The following ELMO1 variants were observed in gnomAD, a reference collection of about 807,000 sequenced individuals.
ELMO1 encodes engulfment and cell motility 1.
In ELMO1, 26 loss-of-function variants were observed where a neutral mutation model predicts 98.9. The ratio of observed to expected loss-of-function variants is 0.26; its 90% confidence interval spans 0.19 to 0.36. ELMO1 has a LOEUF of 0.36. ELMO1 is among the 10% of genes least tolerant of loss of function. The pLI is 1.00. For synonymous variants in ELMO1, 346 were observed against 346.0 expected (o/e 1.00, Z 0.00); for missense variants, 627 against 935.2 (o/e 0.67, Z 4.30).
chr7:36,918,121 G>C (rs1043163188), intron 16 of ELMO1, among the ~76,000 whole-genome samples: 1 of 152,094 alleles, frequency 6.6e-6, no homozygotes, highest in Non-Finnish European at 1.5e-5. Context: ...TAGGGAATGG[G>C]GGGTGAAGAG....
intron 15 of ELMO1, among the ~76,000 whole-genome samples, chr7:37,042,211 GAAA>G (rs35969834): frequency 4.3e-5 from 4 of 93,550 alleles, no homozygotes; most frequent in East Asian, 7.3e-4. Flanking sequence ...TCTGACTTTT[GAAA>G]AAAAAAAAAA....
intron 16 of ELMO1, among the ~76,000 whole-genome samples, chr7:36,915,233 A>C (rs2129069603): frequency 6.6e-6 from 1 of 152,324 alleles, no homozygotes; most frequent in Non-Finnish European, 1.5e-5. Flanking sequence ...GCCTGGTGCT[A>C]ACAAAGTGGT....
At chr7:37,336,854 GA>G (rs1800442453) in intron 2 of ELMO1, among the ~76,000 whole-genome samples, 3 of 152,118 alleles carry the variant, frequency 2.0e-5, no homozygotes, top group Non-Finnish European at 4.4e-5. Context: ...GCCTGGAATG[GA>G]AAAACAGAAT....
Position 36,854,091 on chromosome 7 carries a change from T to G in ELMO1, c.*1460A>C, listed in dbSNP as rs1309390914. On this transcript the variant is annotated 3_prime_UTR_variant, in exon 22 of 22. Coordinates refer to ENST00000310758, the MANE Select transcript of ELMO1 (RefSeq NM_014800.11). Reference sequence around the variant, plus strand: ...GACAGCAATGTAAAAGGAATAGATATTTTCATACAGTGGGTCTGATTTTCT... The same window carrying G: ...GACAGCAATGTAAAAGGAATAGATAGTTTCATACAGTGGGTCTGATTTTCT... Among the ~76,000 whole-genome samples, 1 of 140,216 alleles carries G rather than the reference T, an allele frequency of 7.1e-6. No individual in the cohort carries two copies. Among genetic ancestry groups the G allele is most frequent in the African/African-American group, 2.7e-5 (1 of 36,480 alleles). 92.0% of individuals were successfully genotyped at this position (140,216 alleles called of 152,430 possible).
At chr7:37,263,701 C>T (rs1011970220) in intron 5 of ELMO1, among the ~76,000 whole-genome samples, 8 of 152,190 alleles carry the variant, frequency 5.3e-5, no homozygotes, top group South Asian at 2.1e-4. Context: ...ATGGTTAGTG[C>T]CAAAGCCCTG....
At chr7:37,236,575 A>G (rs1271959856) in intron 7 of ELMO1, among the ~76,000 whole-genome samples, 2 of 152,210 alleles carry the variant, frequency 1.3e-5, no homozygotes, top group Non-Finnish European at 2.9e-5. Flanking sequence ...TAAAATACAC[A>G]TAGGTATATA....
At chr7:37,010,492 G>A (rs1302707145) in intron 16 of ELMO1, among the ~76,000 whole-genome samples, 3 of 152,222 alleles carry the variant, frequency 2.0e-5, no homozygotes, top group Non-Finnish European at 4.4e-5. Context: ...GGAAGACCAA[G>A]GCAGAAGAGG....
At chr7:37,133,636 A>G (rs1013959303) in intron 13 of ELMO1, among the ~76,000 whole-genome samples, 2 of 152,220 alleles carry the variant, frequency 1.3e-5, no homozygotes, top group African/African-American at 4.8e-5. Flanking sequence ...GCTGACTCCA[A>G]GGAAACCACG....
chr7:37,259,360 C>A lies in ELMO1; in HGVS notation c.244-10G>T, dbSNP rs1224921715. The A allele has an allele frequency of 6.2e-7, 1 of 1,611,048 alleles. No homozygotes were observed. Among genetic ancestry groups the A allele is most frequent in the Non-Finnish European group, 8.5e-7 (1 of 1,178,162 alleles). On this transcript the variant is annotated splice_polypyrimidine_tract_variant and intron_variant, in intron 5 of 21. Coordinates refer to ENST00000310758, the MANE Select transcript of ELMO1 (RefSeq NM_014800.11). Reference sequence around the variant, plus strand: ...GCTGGGCGTTCTGAGCCTTATGGGGCAAAAGCAAAGGGAAGAGTGTTGACA... The same window carrying A: ...GCTGGGCGTTCTGAGCCTTATGGGGAAAAAGCAAAGGGAAGAGTGTTGACA...
chr7:37,015,676 A>G (rs937650506), intron 15 of ELMO1, among the ~76,000 whole-genome samples: 1 of 152,214 alleles, frequency 6.6e-6, no homozygotes. Context: ...AAGCAGATCA[A>G]ATAAGCCAAC....
rs377003659 is a variant in ELMO1, at chr7:37,269,280, G to C, written c.243+2552C>G. Among the ~76,000 whole-genome samples, 5 of 152,268 alleles carry C rather than the reference G, an allele frequency of 3.3e-5. No individual in the cohort carries two copies. In the East Asian group the frequency reaches 7.7e-4, roughly 24 times the overall value. On this transcript the variant is annotated intron_variant, in intron 5 of 21. Transcript: ENST00000310758. ...CCACAAGGTGATTGCTTAAAATGCA[G>C]ATTCCTGGGGCCTATTCCCAAATAT...
chr7:37,292,146 C>T (rs1246216792), intron 4 of ELMO1, among the ~76,000 whole-genome samples: 1 of 123,388 alleles, frequency 8.1e-6, no homozygotes, highest in African/African-American at 2.6e-5. Context: ...GATGGGGATT[C>T]GCTGTGTTGG....
At chr7:37,210,331 T>G (rs1310212005) in intron 13 of ELMO1, among the ~76,000 whole-genome samples, 1 of 152,102 alleles carries the variant, frequency 6.6e-6, no homozygotes, top group East Asian at 1.9e-4. Flanking sequence ...TAAATTGTAT[T>G]ACATCTAAAT....
intron 1 of ELMO1, among the ~76,000 whole-genome samples, chr7:37,369,201 T>G (rs1027959395): frequency 6.6e-6 from 1 of 152,148 alleles, no homozygotes; most frequent in Admixed American, 6.6e-5. Context: ...AAAGTGACAG[T>G]GCAGACCAGT....
rs537388417 is a variant in ELMO1 at position 37,092,366 on chromosome 7, C to CTTTTT, written c.1300+4248_1300+4252dup. Among the ~76,000 whole-genome samples, 51 of 68,916 alleles carry CTTTTT rather than the reference C, an allele frequency of 7.4e-4. 3 individuals are homozygous for CTTTTT. Among genetic ancestry groups the CTTTTT allele is most frequent in the Middle Eastern group, 8.8e-3 (1 of 114 alleles). 45.2% of individuals were successfully genotyped at this position (68,916 alleles called of 152,430 possible). On this transcript the variant is annotated intron_variant, in intron 15 of 21. Transcript: ENST00000310758. ...ACTTGCAAAAAAAATTACCCATATT[C>CTTTTT]TTTTTTTTTTTTTTTTTTTTTTTTT...
chr7:36,968,511 A>G (rs947530838), intron 16 of ELMO1, among the ~76,000 whole-genome samples: 32 of 152,196 alleles, frequency 2.1e-4, no homozygotes, highest in African/African-American at 7.2e-4. Flanking sequence ...GTCTGGGTGT[A>G]CTAATTGAGC....
At chr7:37,077,539 A>C (rs550217879) in intron 15 of ELMO1, among the ~76,000 whole-genome samples, 2 of 152,230 alleles carry the variant, frequency 1.3e-5, no homozygotes, top group Non-Finnish European at 2.9e-5. Flanking sequence ...AGGATGAAGC[A>C]GGGGCGGATT....
intron 1 of ELMO1, among the ~76,000 whole-genome samples, chr7:37,366,326 C>T (rs1801902219): frequency 6.6e-6 from 1 of 152,068 alleles, no homozygotes; most frequent in Admixed American, 6.5e-5. Context: ...CAGACTTTAG[C>T]ATTAACTATT....
chr7:37,006,781 CT>C (rs1258070748), intron 16 of ELMO1, among the ~76,000 whole-genome samples: 1 of 152,202 alleles, frequency 6.6e-6, no homozygotes, highest in East Asian at 1.9e-4. Flanking sequence ...CAGTGCTTCC[CT>C]GACTTGGCCA....
Sources: gnomAD v4.1 joint callset for allele counts (sites outside exome capture counted in the v4.1 genomes callset) on GRCh38, gnomAD v4.1.1 for gene constraint, MANE v1.5 for transcripts, NCBI Gene and HGNC (gene_info 2026-07-23, HGNC 2026-07-21) for gene names.